The following PPP1R13B variants were observed in gnomAD, a reference collection of about 807,000 sequenced individuals.
PPP1R13B encodes the protein apoptosis-stimulating of p53 protein 1.
In PPP1R13B, 44 loss-of-function variants were observed where a neutral mutation model predicts 119.8. The ratio of observed to expected loss-of-function variants is 0.37; its 90% CI spans 0.29 to 0.47. The LOEUF (loss-of-function observed/expected upper bound fraction) is 0.47, where lower values mean the gene tolerates loss of function less well. PPP1R13B is among the 20% of genes least tolerant of loss of function. The pLI is 0.99. For missense variants in PPP1R13B, 1,227 were observed against 1,413.5 expected, an observed-to-expected ratio of 0.87 and a Z score of 2.12; for synonymous variants, 542 against 561.5, an observed-to-expected ratio of 0.97 and a Z score of 0.49.
chr14:103,797,247 T>A (rs748656510), intron 2 of PPP1R13B, 124 bp downstream of exon 2: 2 of 877,676 alleles, frequency 2.3e-6, no homozygotes, highest in Admixed American at 2.6e-5. Flanking sequence ...TACTAAATTA[T>A]ATGTACTTAG....
chr14:103,737,936 C>T, intron 14 of PPP1R13B, 76 bp from the exon 15 acceptor site: 12 of 1,464,142 alleles, frequency 8.2e-6, no homozygotes, highest in Non-Finnish European at 1.1e-5. Flanking sequence ...AGATTTCCCT[C>T]TAAGGAATCT....
intron 6 of PPP1R13B, 113 bp from the exon 7 acceptor site, chr14:103,753,309 G>A (rs2084595558): frequency 3.8e-6 from 4 of 1,048,412 alleles, no homozygotes; most frequent in African/African-American, 3.2e-5. Context: ...CGTGGAGAAA[G>A]CTGTGATATG....
In PPP1R13B at chr14:103,825,572, C is replaced by T. The variant is rs1463627324; in HGVS notation, c.9+21727G>A. Among the ~76,000 whole-genome samples the T allele has an allele frequency of 2.6e-5, 4 of 152,200 alleles. No homozygotes were observed. In the East Asian group the frequency reaches 7.7e-4, roughly 29 times the overall value. On this transcript the variant is annotated intron_variant, in intron 1 of 16. Coordinates refer to ENST00000202556, the MANE Select transcript of PPP1R13B (RefSeq NM_015316.3). ...TCTGGATCAATAAAATGAGCTATAA[C>T]ATTCCCTTATGCCAAAGCCTAATCC...
intron 1 of PPP1R13B, among the ~76,000 whole-genome samples, chr14:103,802,139 T>A (rs1007151696): frequency 2.0e-5 from 3 of 152,164 alleles, no homozygotes; most frequent in African/African-American, 7.2e-5. Flanking sequence ...ATTCTACAGT[T>A]GTAATGGTAA....
intron 3 of PPP1R13B, among the ~76,000 whole-genome samples, chr14:103,782,507 G>A (rs1474799580): frequency 2.6e-5 from 4 of 152,168 alleles, no homozygotes; most frequent in Non-Finnish European, 4.4e-5. Context: ...TGAAACTGCT[G>A]GGTAAAAGGT....
chr14:103,825,189 T>C (rs2086509328), intron 1 of PPP1R13B, among the ~76,000 whole-genome samples: 1 of 152,178 alleles, frequency 6.6e-6, no homozygotes, highest in Non-Finnish European at 1.5e-5. Context: ...GTAAGTGTTG[T>C]GTGTGTTCTG....
At chr14:103,828,545 A>G (rs2086601975) in intron 1 of PPP1R13B, among the ~76,000 whole-genome samples, 1 of 152,194 alleles carries the variant, frequency 6.6e-6, no homozygotes, top group South Asian at 2.1e-4. Flanking sequence ...TGCCCTCACT[A>G]AACTTGGAGC....
intron 6 of PPP1R13B, 56 bp from the exon 7 acceptor site, chr14:103,753,252 T>C: frequency 6.7e-7 from 1 of 1,496,646 alleles, no homozygotes; most frequent in Non-Finnish European, 9.0e-7. Flanking sequence ...TTTTTTTTTT[T>C]CATTTCTATA....
At position 103,745,215 on chromosome 14, in the gene PPP1R13B, G is replaced by A. The variant is rs79420154; in HGVS notation, c.1150+1158C>T. 5.9e-3 allele frequency among the ~76,000 whole-genome samples: 892 copies of A among 152,278 alleles called. 11 individuals are homozygous for A. The highest frequency in any genetic ancestry group is 0.02 in the African/African-American group (837 of 41,540). ...AGTGCTGGTGATGCTCTTCTCTTTCGGAGTTCATAACAAGACCCAAGCTCC... is the reference window on the plus strand; with the variant it reads ...AGTGCTGGTGATGCTCTTCTCTTTCAGAGTTCATAACAAGACCCAAGCTCC... On this transcript the variant is annotated intron_variant, in intron 9 of 16. Transcript: ENST00000202556.
At chr14:103,804,115 G>A (rs1306141750) in intron 1 of PPP1R13B, 2 of 929,536 alleles carry the variant, frequency 2.2e-6, no homozygotes, top group Non-Finnish European at 2.6e-6. Flanking sequence ...AAAAAAGTTG[G>A]AAAATATCAT....
At chr14:103,847,608 C>T (rs1379547899), upstream of PPP1R13B, 1 of 986,412 alleles carries the variant, frequency 1.0e-6, no homozygotes, top group Non-Finnish European at 1.2e-6. Context: ...TCTTCAGCCC[C>T]CGCAGGCCCC....
Position 103,733,564 on chromosome 14 carries a change from G to T in PPP1R13B, c.*1590C>A. 6.5e-6 allele frequency: 1 copy of T among 153,386 alleles called. No homozygotes were observed. 9.5% of individuals were successfully genotyped at this position (153,386 alleles called of 1,614,324 possible). On this transcript the variant is annotated 3_prime_UTR_variant, in exon 17 of 17. Coordinates refer to ENST00000202556, the MANE Select transcript of PPP1R13B (RefSeq NM_015316.3). ...GATACTTCACCAAGGGGAACGTGGG[G>T]GCTTTGTGTTTTGTACTTTTCACTC... is the stretch of plus-strand genomic sequence containing the variant.
intron 2 of PPP1R13B, among the ~76,000 whole-genome samples, chr14:103,795,234 G>A (rs72712810): frequency 4.3e-4 from 66 of 152,208 alleles, no homozygotes; most frequent in Non-Finnish European, 8.1e-4. Context: ...CACCGTGCCC[G>A]ACCTGTATCA....
chr14:103,792,270 T>TGTGATCAAGCGATC, intron 2 of PPP1R13B, among the ~76,000 whole-genome samples: 2 of 151,904 alleles, frequency 1.3e-5, no homozygotes. Flanking sequence ...AGTGCAGTGG[T>TGTGATCAAGCGATC]GTGATCAAGC....
chr14:103,754,108 C>T lies in PPP1R13B; in HGVS notation c.593G>A (p.Gly198Glu). The change falls in exon 6 of 17, where the codon GGA becomes GAA. Residue 198 changes from glycine (G) to glutamate (E), a missense_variant. Gly to Glu is a moderately conservative substitution (Grantham distance 98, BLOSUM62 -2). Coordinates refer to ENST00000202556, the MANE Select transcript of PPP1R13B (RefSeq NM_015316.3). The stretch of plus-strand genomic sequence containing the variant: ...CATGATTTTGCTGTAGTCGACTTGT[C>T]CTCTCATTGCACGAATTTTCTTCAG... Reference protein sequence around the residue: ...NKLKKIRAMRGQVDYSKIMNG... With the variant: ...NKLKKIRAMREQVDYSKIMNG... 1.9e-6 allele frequency: 3 copies of T among 1,613,988 alleles called. No individual in the cohort carries two copies. Among genetic ancestry groups the T allele is most frequent in the Non-Finnish European group, 2.5e-6 (3 of 1,180,008 alleles).
intron 4 of PPP1R13B, among the ~76,000 whole-genome samples, chr14:103,777,881 A>G (rs2085244665): frequency 6.6e-6 from 1 of 150,850 alleles, no homozygotes; most frequent in Non-Finnish European, 1.5e-5. Flanking sequence ...GGCAGCCTCA[A>G]ACTCCTGGGC....
At chr14:103,843,328 C>T (rs1048536823) in intron 1 of PPP1R13B, among the ~76,000 whole-genome samples, 1 of 151,950 alleles carries the variant, frequency 6.6e-6, no homozygotes, top group Admixed American at 6.6e-5. Flanking sequence ...GAGCTGAGAT[C>T]CTGCCACTGC....
rs1282401353 is a variant in PPP1R13B, at chr14:103,775,248, CCTTT to C, written c.354+3493_354+3496del. Among the ~76,000 whole-genome samples the C allele has an allele frequency of 2.6e-5, 4 of 151,370 alleles. No individual in the cohort carries two copies. The South Asian group carries it at 6.3e-4, about 24-fold the overall frequency. ...GTTCAGGTCATGGTAATTCTTTCTT[CCTTT>C]CTTTCTTTCACTTATTATTATTATT... On this transcript the variant is annotated intron_variant, in intron 4 of 16. Transcript: ENST00000202556.
At chr14:103,819,754 G>A (rs2086363814) in intron 1 of PPP1R13B, among the ~76,000 whole-genome samples, 1 of 127,320 alleles carries the variant, frequency 7.9e-6, no homozygotes, top group Non-Finnish European at 1.7e-5. Context: ...CCCTGTTTCT[G>A]CCCCATCTGA....
Sources: allele counts gnomAD v4.1 joint callset (sites outside exome capture counted in the v4.1 genomes callset), GRCh38; gene constraint gnomAD v4.1.1; transcripts MANE v1.5; gene names NCBI Gene and HGNC (gene_info 2026-07-23, HGNC 2026-07-21).